Variants in MAPK10 observed in about 807,000 individuals in gnomAD.
MAPK10 encodes the protein JNK3 alpha protein kinase.
MAPK10 carries 25 observed loss-of-function variants against 59.3 expected under a neutral mutation model. The observed-to-expected ratio is 0.42, with a 90% CI of 0.31 to 0.59. The LOEUF is 0.59. MAPK10 is among the 20% of genes least tolerant of loss of function. The pLI is 0.15. For synonymous variants in MAPK10, 190 were observed against 200.5 expected (o/e 0.95, Z 0.44); for missense variants, 351 against 568.9 (o/e 0.62, Z 3.90).
At chr4:86,178,328 G>A (rs572927303) in intron 3 of MAPK10, among the ~76,000 whole-genome samples, 9 of 152,046 alleles carry the variant, frequency 5.9e-5, no homozygotes, top group Admixed American at 5.2e-4. Context: ...AGGGGTTTTG[G>A]TTGGTTGGAT....
intron 11 of MAPK10, among the ~76,000 whole-genome samples, chr4:86,039,324 A>G (rs997834167): frequency 1.3e-5 from 2 of 152,154 alleles, no homozygotes; most frequent in African/African-American, 4.8e-5. Context: ...TTTTCCCCCA[A>G]TTACCAGACA....
At chr4:86,471,127 G>T (rs907960158) in intron 1 of MAPK10, among the ~76,000 whole-genome samples, 4 of 151,878 alleles carry the variant, frequency 2.6e-5, no homozygotes, top group South Asian at 4.2e-4. Flanking sequence ...AAATTAGCTG[G>T]GTGTGGTGGC....
chr4:86,238,298 C>G (rs1003906246), intron 2 of MAPK10, among the ~76,000 whole-genome samples: 1 of 152,100 alleles, frequency 6.6e-6, no homozygotes, highest in Non-Finnish European at 1.5e-5. Flanking sequence ...CAGCCTTGTT[C>G]TTTTTGCTTA....
At chr4:86,034,520 A>C (rs1479927736) in intron 11 of MAPK10, among the ~76,000 whole-genome samples, 2 of 152,208 alleles carry the variant, frequency 1.3e-5, no homozygotes, top group Non-Finnish European at 2.9e-5. Flanking sequence ...GAATTTATTT[A>C]TTTCTTTATT....
chr4:86,194,093 C>G, intron 3 of MAPK10: 1 of 478,572 alleles, frequency 2.1e-6, no homozygotes, highest in East Asian at 3.8e-5. Context: ...TCTAACCTTT[C>G]CCAGTGAGAT....
chr4:86,575,069 T>C (rs1176794795), intron 1 of MAPK10, among the ~76,000 whole-genome samples: 1 of 152,160 alleles, frequency 6.6e-6, no homozygotes, highest in African/African-American at 2.4e-5. Flanking sequence ...ATCCAATCTG[T>C]TGAGGGCCTG....
At chr4:86,400,552 A>G (rs1386589766) in intron 1 of MAPK10, among the ~76,000 whole-genome samples, 1 of 152,136 alleles carries the variant, frequency 6.6e-6, no homozygotes, top group Non-Finnish European at 1.5e-5. Context: ...TTTAGTTCCA[A>G]AGCCCAGTTT....
chr4:86,458,629 C>T (rs994068244), intron 1 of MAPK10, among the ~76,000 whole-genome samples: 5 of 152,154 alleles, frequency 3.3e-5, no homozygotes, highest in African/African-American at 1.2e-4. Flanking sequence ...TTACAGCCAA[C>T]TGATTTTCAA....
rs1403590361 is a variant in MAPK10 at position 86,067,689 on chromosome 4, GAA to G, written c.985+82_985+83del. 2.7e-5 allele frequency: 30 copies of G among 1,124,502 alleles called. No individual in the cohort carries two copies. The South Asian group carries it at 2.9e-4, about 11-fold the overall frequency. 69.7% of individuals were successfully genotyped at this position (1,124,502 alleles called of 1,614,324 possible). On this transcript the variant is annotated intron_variant, in intron 10 of 13. Transcript: ENST00000641462. ...AACTAAAAATAAAAGGGAACAAAGA[GAA>G]AGAGATAGAGGTCTCTATACTGTGT...
chr4:86,263,526 G>C (rs547518635), intron 2 of MAPK10, among the ~76,000 whole-genome samples: 11 of 151,980 alleles, frequency 7.2e-5, no homozygotes, highest in African/African-American at 2.4e-4. Context: ...TACTTTCCCT[G>C]GTCCAAACTA....
intron 1 of MAPK10, among the ~76,000 whole-genome samples, chr4:86,559,195 T>C (rs1405226717): frequency 1.3e-5 from 2 of 152,070 alleles, no homozygotes; most frequent in African/African-American, 4.8e-5. Flanking sequence ...CAAAAATTTA[T>C]GTTTAGGTTT....
chr4:86,234,298 T>C (rs961689272), intron 2 of MAPK10, among the ~76,000 whole-genome samples: 1 of 152,208 alleles, frequency 6.6e-6, no homozygotes, highest in African/African-American at 2.4e-5. Flanking sequence ...GTACTTTTTG[T>C]TATCATCTGT....
chr4:86,270,734 G>C (rs568695792), intron 2 of MAPK10, among the ~76,000 whole-genome samples: 284 of 152,122 alleles, frequency 1.9e-3, no homozygotes, highest in Non-Finnish European at 3.0e-3. Flanking sequence ...CCATAGATTA[G>C]TTTTACCTGT....
chr4:86,265,622 T>C (rs1197588728), intron 2 of MAPK10, among the ~76,000 whole-genome samples: 1 of 152,024 alleles, frequency 6.6e-6, no homozygotes. Flanking sequence ...GCAATGGCTT[T>C]GGTGAAAGAG....
intron 2 of MAPK10, among the ~76,000 whole-genome samples, chr4:86,216,990 T>C (rs1385894045): frequency 1.3e-5 from 2 of 152,134 alleles, no homozygotes; most frequent in African/African-American, 4.8e-5. Flanking sequence ...GAAAACATAG[T>C]AAACACATAA....
chr4:86,534,551 G>A (rs923908825), intron 1 of MAPK10, among the ~76,000 whole-genome samples: 4 of 151,916 alleles, frequency 2.6e-5, no homozygotes, highest in South Asian at 2.1e-4. Flanking sequence ...TAAGAAAAAC[G>A]GAGTGAGTGG....
chr4:86,095,845 T>C (rs2054118613), intron 9 of MAPK10: 1 of 151,902 alleles, frequency 6.6e-6, no homozygotes, highest in Non-Finnish European at 1.5e-5. Flanking sequence ...ACTTTAAACA[T>C]TAAGTTATAA....
At chr4:86,547,492 G>A (rs1022501523) in intron 1 of MAPK10, among the ~76,000 whole-genome samples, 3 of 152,302 alleles carry the variant, frequency 2.0e-5, no homozygotes, top group South Asian at 2.1e-4. Context: ...TTGCCTTCCC[G>A]CAGGGCAGGG....
intron 1 of MAPK10, among the ~76,000 whole-genome samples, chr4:86,373,795 C>A (rs1739311294): frequency 6.6e-6 from 1 of 152,092 alleles, no homozygotes; most frequent in African/African-American, 2.4e-5. Context: ...GAACGCTTTT[C>A]CACTGTTGAT....
Sources: gnomAD v4.1 joint callset for allele counts (sites outside exome capture counted in the v4.1 genomes callset) on GRCh38, gnomAD v4.1.1 for gene constraint, MANE v1.5 for transcripts, NCBI Gene and HGNC (gene_info 2026-07-23, HGNC 2026-07-21) for gene names.